Variants in ENAH observed in about 807,000 individuals in gnomAD.
ENAH encodes ENAH actin regulator, also known as protein enabled homolog.
In ENAH, 23 loss-of-function variants were observed where a neutral mutation model predicts 78.7. The ratio of observed to expected loss-of-function variants is 0.29; its 90% CI spans 0.21 to 0.41. The LOEUF is 0.41. Among genes scored for constraint, ENAH ranks in the 10% least tolerant of loss-of-function variants. The probability of loss-of-function intolerance (pLI) is 1.00; values close to 1 mark genes in which losing one functional copy is unlikely to be tolerated. For synonymous variants in ENAH, 226 were observed against 241.0 expected (o/e 0.94, Z 0.58); for missense variants, 544 against 691.0 (o/e 0.79, Z 2.39).
At chr1:225,606,046 T>A (rs1013833372) in intron 1 of ENAH, among the ~76,000 whole-genome samples, 5 of 152,218 alleles carry the variant, frequency 3.3e-5, no homozygotes, top group African/African-American at 1.2e-4. Flanking sequence ...CTTTTATTAT[T>A]ATTTTTTAAT....
rs187997583 is a variant in ENAH, at chr1:225,634,245, G to A, written c.5+18441C>T. 1.4e-3 allele frequency among the ~76,000 whole-genome samples: 218 copies of A among 152,268 alleles called. 1 individual carries two copies. Among genetic ancestry groups the A allele is most frequent in the African/African-American group, 5.0e-3 (207 of 41,562 alleles). On this transcript the variant is annotated intron_variant, in intron 1 of 13. Coordinates refer to ENST00000366843, the MANE Select transcript of ENAH (RefSeq NM_018212.6). ...GCATTTTGTAATAAAAGTAGGAAAC[G>A]GCATGAATGCCACCTCATCTCACTT...
intron 1 of ENAH, among the ~76,000 whole-genome samples, chr1:225,601,779 A>G (rs997415032): frequency 1.4e-5 from 2 of 138,704 alleles, no homozygotes; most frequent in African/African-American, 5.0e-5. Context: ...TTTGGAAACT[A>G]AAAAAAATAT....
At chr1:225,562,923 T>C (rs1412191968) in intron 2 of ENAH, among the ~76,000 whole-genome samples, 1 of 149,644 alleles carries the variant, frequency 6.7e-6, no homozygotes, top group Non-Finnish European at 1.5e-5. Flanking sequence ...CAGTGAGCTA[T>C]GGTCACACCA....
chr1:225,543,235 G>C (rs1004817827), intron 3 of ENAH, among the ~76,000 whole-genome samples: 6 of 152,124 alleles, frequency 3.9e-5, no homozygotes, highest in African/African-American at 1.4e-4. Flanking sequence ...CTGATTTCAA[G>C]GCTTGAGGAA....
intron 1 of ENAH, among the ~76,000 whole-genome samples, chr1:225,585,034 G>A (rs2096838218): frequency 6.6e-6 from 1 of 151,780 alleles, no homozygotes; most frequent in Non-Finnish European, 1.5e-5. Flanking sequence ...GGCCAACATG[G>A]TGAAACCATA....
chr1:225,607,151 T>G (rs910651235), intron 1 of ENAH, among the ~76,000 whole-genome samples: 2 of 152,142 alleles, frequency 1.3e-5, no homozygotes, highest in Admixed American at 6.5e-5. Context: ...GTGCAATCTT[T>G]TGGCTTCCCT....
chr1:225,633,082 G>A (rs1440862173), intron 1 of ENAH, among the ~76,000 whole-genome samples: 1 of 148,634 alleles, frequency 6.7e-6, no homozygotes, highest in Non-Finnish European at 1.5e-5. Context: ...GTCGCCCAGT[G>A]CCCAGGCTGA....
chr1:225,621,509 G>A (rs1200470404), intron 1 of ENAH, among the ~76,000 whole-genome samples: 1 of 151,466 alleles, frequency 6.6e-6, no homozygotes, highest in Non-Finnish European at 1.5e-5. Context: ...AGCCGGGATG[G>A]TCTCGATCTC....
At chr1:225,519,866 CT>C (rs2096453997) in intron 4 of ENAH, among the ~76,000 whole-genome samples, 1 of 152,184 alleles carries the variant, frequency 6.6e-6, no homozygotes, top group Admixed American at 6.5e-5. Flanking sequence ...TAACATACCA[CT>C]TTAATAACCA....
rs775127265 is a variant in ENAH at position 225,498,309 on chromosome 1, T to C, written c.1675+38A>G. On this transcript the variant is annotated intron_variant, in intron 13 of 13. Transcript: ENST00000366843. ...TCTTAAAAATGGTCAATCTTAAACA[T>C]TGTTTTATAGGAATAGTAAATTTGT... The C allele has an allele frequency of 1.7e-5, 25 of 1,504,368 alleles. No individual in the cohort carries two copies. The Admixed American group carries it at 2.2e-4, about 13-fold the overall frequency. The allele number at this position is 1,504,368 out of a possible 1,614,324, so 93.2% of individuals were successfully genotyped here.
chr1:225,582,492 C>A (rs2096824009), intron 1 of ENAH, among the ~76,000 whole-genome samples: 2 of 152,170 alleles, frequency 1.3e-5, no homozygotes, highest in Admixed American at 1.3e-4. Flanking sequence ...GTCTGTGCTA[C>A]ATGGGAGAGC....
chr1:225,645,761 T>C (rs778681322), intron 1 of ENAH, among the ~76,000 whole-genome samples: 46 of 152,206 alleles, frequency 3.0e-4, no homozygotes, highest in Non-Finnish European at 1.5e-4. Context: ...TCAACAGCTC[T>C]ATAATTCACA....
intron 13 of ENAH, 44 bp from the exon 14 acceptor site, chr1:225,497,856 A>T (rs1320907530): frequency 6.4e-7 from 1 of 1,555,572 alleles, no homozygotes; most frequent in South Asian, 1.1e-5. Flanking sequence ...ATAATGATAA[A>T]GTAAGATAAA....
chr1:225,591,224 T>G (rs2096873965), intron 1 of ENAH, among the ~76,000 whole-genome samples: 1 of 152,160 alleles, frequency 6.6e-6, no homozygotes, highest in Admixed American at 6.5e-5. Context: ...ATCCCAGCCC[T>G]TTGGGAGGCC....
chr1:225,606,471 A>AG (rs2096956214), intron 1 of ENAH, among the ~76,000 whole-genome samples: 1 of 152,004 alleles, frequency 6.6e-6, no homozygotes, highest in Non-Finnish European at 1.5e-5. Context: ...AAAAAAAAAA[A>AG]AAAAGGAATT....
intron 3 of ENAH, among the ~76,000 whole-genome samples, chr1:225,541,038 A>G (rs746919415): frequency 2.6e-5 from 4 of 152,218 alleles, no homozygotes; most frequent in Non-Finnish European, 4.4e-5. Context: ...CTTCAGTGAT[A>G]GAAATTATGT....
chr1:225,617,599 G>T (rs1256618741), intron 1 of ENAH, among the ~76,000 whole-genome samples: 1 of 152,136 alleles, frequency 6.6e-6, no homozygotes, highest in Admixed American at 6.5e-5. Context: ...TGACAGGATG[G>T]CAATTAATTT....
chr1:225,646,794 T>A (rs1287059250), intron 1 of ENAH, among the ~76,000 whole-genome samples: 1 of 150,028 alleles, frequency 6.7e-6, no homozygotes, highest in Non-Finnish European at 1.5e-5. Flanking sequence ...CTCAAAAAAA[T>A]TAATAAATAA....
intron 1 of ENAH, among the ~76,000 whole-genome samples, chr1:225,613,766 T>C (rs926877059): frequency 6.6e-6 from 1 of 152,212 alleles, no homozygotes; most frequent in African/African-American, 2.4e-5. Flanking sequence ...TTTTTTCTAC[T>C]CTCACACAAC....
Sources: gnomAD v4.1 joint callset for allele counts (sites outside exome capture counted in the v4.1 genomes callset) on GRCh38, gnomAD v4.1.1 for gene constraint, MANE v1.5 for transcripts, NCBI Gene and HGNC (gene_info 2026-07-23, HGNC 2026-07-21) for gene names.